ZFY: variants seen among roughly 807,000 people sequenced by gnomAD.
The protein encoded by ZFY is zinc finger Y-chromosomal protein.
For missense variants in ZFY, 113 were observed against 170.9 expected, an observed-to-expected ratio of 0.66 and a Z score of 1.89; for synonymous variants, 47 against 55.8, an observed-to-expected ratio of 0.84 and a Z score of 0.71.
At chrY:2,946,119 G>GT (rs2051261831) in intron 1 of ZFY, among the ~76,000 whole-genome samples, 6 of 28,366 alleles carry the variant, frequency 2.1e-4, no homozygotes, top group South Asian at 1.5e-3. Flanking sequence ...ATGCAAGGAG[G>GT]TTTTTTTTTT....
chrY:2,978,938 A>C lies in ZFY; in HGVS notation c.1351A>C (p.Lys451Gln), dbSNP rs752175309. Reference protein sequence around the residue: ...KNHPEHLAKKKYHCTDCDYTT... With the variant: ...KNHPEHLAKKQYHCTDCDYTT... ...CCATCCTGAACACCTTGCCAAGAAG[A>C]AGTACCACTGTACTGACTGTGATTA... The change falls in exon 8 of 8, where the codon AAG becomes CAG. Residue 451 changes from lysine (K) to glutamine (Q), a missense_variant. Physicochemically the swap from Lys to Gln is moderately conservative, Grantham distance 53. Transcript: ENST00000155093. 2.5e-6 allele frequency: 1 copy of C among 398,806 alleles called. No homozygotes were observed. The highest frequency in any genetic ancestry group is 7.4e-5 in the Admixed American group (1 of 13,429).
chrY:2,940,382 C>T, intron 1 of ZFY, among the ~76,000 whole-genome samples: 1 of 33,301 alleles, frequency 3.0e-5, no homozygotes, highest in Non-Finnish European at 7.4e-5. Flanking sequence ...AAGGAATCTA[C>T]GTCAATGGCT....
At chrY:2,946,705 A>G in intron 1 of ZFY, among the ~76,000 whole-genome samples, 1 of 32,287 alleles carries the variant, frequency 3.1e-5, no homozygotes, top group Non-Finnish European at 7.5e-5. Context: ...TATTAAATTA[A>G]AAATATTTGG....
intron 4 of ZFY, 101 bp from the exon 5 acceptor site, chrY:2,975,410 T>C (rs2051363677): frequency 3.1e-6 from 1 of 324,019 alleles, no homozygotes; most frequent in African/African-American, 7.0e-5. Flanking sequence ...TTTTAAGACA[T>C]ATTTTTGAGT....
At chrY:2,962,842 A>C in intron 3 of ZFY, among the ~76,000 whole-genome samples, 2 of 33,350 alleles carry the variant, frequency 6.0e-5, no homozygotes, top group African/African-American at 2.3e-4. Context: ...TGGTGTGCCC[A>C]AAAAAAGGGG....
At position 2,938,879 on chromosome Y, in the gene ZFY, C is replaced by G. The variant is rs575195945; in HGVS notation, c.-29+3110C>G. 4.2e-3 allele frequency among the ~76,000 whole-genome samples: 120 copies of G among 28,268 alleles called. No homozygotes were observed. In the South Asian group the frequency reaches 0.089, roughly 21 times the overall value. The allele number at this position is 28,268 out of a possible 37,273, so 75.8% of individuals were successfully genotyped here. On this transcript the variant is annotated intron_variant, in intron 1 of 7. Transcript: ENST00000155093. ...AGGCGTGAACCACGGTGCCCGACCT[C>G]TGGTAGCCAATTATCTTGGATGAAT...
Position 2,979,359 on chromosome Y carries a change from T to C in ZFY, c.1772T>C (p.Ile591Thr). 2 of 398,441 alleles carry C rather than the reference T, an allele frequency of 5.0e-6. No individual in the cohort carries two copies. Among genetic ancestry groups the C allele is most frequent in the East Asian group, 9.2e-5 (1 of 10,839 alleles). The stretch of plus-strand genomic sequence containing the variant: ...GACTCTTCTAACTTGAAAACACATA[T>C]AAAAACAAAGCATAGTAAAGAGATG... ...SADSSNLKTH[I>T]KTKHSKEMPF... Residue 591 changes from isoleucine (I) to threonine (T), a missense_variant, in exon 8 of 8, where the codon ATA (isoleucine) becomes ACA (threonine). By Grantham distance (89) the Ile-to-Thr change is moderately conservative. Coordinates refer to ENST00000155093, the MANE Select transcript of ZFY (RefSeq NM_003411.4).
intron 3 of ZFY, among the ~76,000 whole-genome samples, chrY:2,971,626 T>C (rs1603311848): frequency 5.9e-5 from 2 of 33,710 alleles, no homozygotes. Context: ...CCAGCCTGTT[T>C]TATAGTAACA....
chrY:2,942,014 C>T (rs2051243712), intron 1 of ZFY, among the ~76,000 whole-genome samples: 1 of 30,849 alleles, frequency 3.2e-5, no homozygotes, highest in Non-Finnish European at 7.8e-5. Context: ...CAATTCATTT[C>T]ACCATGTTGG....
chrY:2,965,794 A>G (rs2051325671), intron 3 of ZFY, among the ~76,000 whole-genome samples: 2 of 34,119 alleles, frequency 5.9e-5, no homozygotes, highest in African/African-American at 2.3e-4. Flanking sequence ...AATAAAAGCC[A>G]GTGTAGAACT....
intron 2 of ZFY, among the ~76,000 whole-genome samples, chrY:2,955,219 C>T (rs2051289590): frequency 6.1e-5 from 2 of 32,659 alleles, no homozygotes; most frequent in Admixed American, 2.8e-4. Flanking sequence ...ATCTTCACCC[C>T]GGTTCTCAAA....
chrY:2,938,331 A>G (rs2051224468), intron 1 of ZFY, among the ~76,000 whole-genome samples: 1 of 25,428 alleles, frequency 3.9e-5, no homozygotes, highest in African/African-American at 1.6e-4. Flanking sequence ...TTTTAATGCA[A>G]TCTAGTTGTC....
intron 2 of ZFY, among the ~76,000 whole-genome samples, chrY:2,958,382 TA>T (rs2051299947): frequency 3.0e-5 from 1 of 33,334 alleles, no homozygotes; most frequent in African/African-American, 1.2e-4. Flanking sequence ...TAGGGCCATA[TA>T]GGCCCTATTA....
Position 2,975,235 on chromosome Y carries a change from G to T in ZFY, c.775G>T (p.Asp259Tyr). 2.5e-6 allele frequency: 1 copy of T among 396,312 alleles called. No individual in the cohort carries two copies. Among genetic ancestry groups the T allele is most frequent in the Non-Finnish European group, 3.5e-6 (1 of 282,544 alleles). Residue 259 changes from aspartate to tyrosine, a missense_variant, in exon 4 of 8, where the codon GAT (aspartate) becomes TAT (tyrosine). Coordinates refer to ENST00000155093, the MANE Select transcript of ZFY (RefSeq NM_003411.4). ...VYIFKADPGEDDLGGTVDIVE... is the reference protein window; with the variant it reads ...VYIFKADPGEYDLGGTVDIVE... ...CATTTTTAAAGCTGACCCTGGAGAA[G>T]ATGACTTAGGTAAGAGGAAGCTGTC...
At chrY:2,939,928 C>T (rs2051236319) in intron 1 of ZFY, among the ~76,000 whole-genome samples, 2 of 33,291 alleles carry the variant, frequency 6.0e-5, no homozygotes, top group East Asian at 7.6e-4. Context: ...TGTTTTCATC[C>T]GTAACTTTCG....
At chrY:2,968,943 G>T in intron 3 of ZFY, among the ~76,000 whole-genome samples, 3 of 33,975 alleles carry the variant, frequency 8.8e-5, no homozygotes, top group Admixed American at 5.3e-4. Context: ...CAAAATGATT[G>T]TGAGTTTCAG....
At chrY:2,968,397 G>A in intron 3 of ZFY, among the ~76,000 whole-genome samples, 1 of 26,320 alleles carries the variant, frequency 3.8e-5, no homozygotes, top group South Asian at 9.4e-4. Context: ...TGCAAGCTCC[G>A]CCTGCTGGGT....
At chrY:2,938,982 CTTAT>C (rs2051227905) in intron 1 of ZFY, among the ~76,000 whole-genome samples, 5 of 3,698 alleles carry the variant, frequency 1.4e-3, no homozygotes, top group Admixed American at 7.8e-3. Context: ...GCATACAGTG[CTTAT>C]ATATATATAT....
chrY:2,937,697 G>C, intron 1 of ZFY, among the ~76,000 whole-genome samples: 1 of 32,563 alleles, frequency 3.1e-5, no homozygotes, highest in South Asian at 6.9e-4. Context: ...TTTCAGAAAT[G>C]CAGTAGCCTT....
Sources: gnomAD v4.1 joint callset for allele counts (sites outside exome capture counted in the v4.1 genomes callset) on GRCh38, gnomAD v4.1.1 for gene constraint, MANE v1.5 for transcripts, NCBI Gene and HGNC (gene_info 2026-07-23, HGNC 2026-07-21) for gene names.